SLC38A6: variants seen among roughly 807,000 people sequenced by gnomAD.
The protein encoded by SLC38A6 is N system amino acid transporter NAT-1.
SLC38A6 carries 73 observed loss-of-function variants against 65.0 expected under a neutral mutation model. The ratio of observed to expected loss-of-function variants is 1.12; its 90% CI spans 0.93 to 1.37. The LOEUF is 1.37. Among genes scored for constraint, SLC38A6 ranks in the 40% most tolerant of loss-of-function variants. SLC38A6 has a pLI of 0.00. For synonymous variants in SLC38A6, 183 were observed against 178.8 expected (o/e 1.02, Z -0.19); for missense variants, 561 against 531.1 (o/e 1.06, Z -0.55).
intron 13 of SLC38A6, 58 bp from the exon 14 acceptor site, chr14:61,051,729 C>A (rs1218934645): frequency 3.2e-6 from 5 of 1,585,286 alleles, no homozygotes; most frequent in African/African-American, 1.4e-5. Context: ...TTTCTCTCAG[C>A]AAATATCTGG....
intron 15 of SLC38A6, among the ~76,000 whole-genome samples, chr14:61,067,860 C>T (rs1460516078): frequency 6.6e-6 from 1 of 152,116 alleles, no homozygotes; most frequent in African/African-American, 2.4e-5. Flanking sequence ...TCTAGTGCAT[C>T]AGTCACCATT....
intron 16 of SLC38A6, among the ~76,000 whole-genome samples, chr14:61,080,404 A>G (rs930712908): frequency 2.6e-5 from 4 of 152,182 alleles, no homozygotes; most frequent in African/African-American, 9.6e-5. Flanking sequence ...GGTGAAAGTC[A>G]TAGCACCTGA....
At chr14:61,039,131 TATG>T (rs1429354644) in intron 8 of SLC38A6, among the ~76,000 whole-genome samples, 3 of 152,218 alleles carry the variant, frequency 2.0e-5, no homozygotes, top group East Asian at 1.9e-4. Context: ...AATGTATTGA[TATG>T]ATATGTCTAC....
At chr14:61,021,216 A>C (rs1014468108) in intron 5 of SLC38A6, among the ~76,000 whole-genome samples, 30 of 152,184 alleles carry the variant, frequency 2.0e-4, no homozygotes, top group African/African-American at 7.0e-4. Context: ...AGCAGAATAG[A>C]GCTGAAATGA....
chr14:61,002,758 G>A (rs570071523), intron 3 of SLC38A6, among the ~76,000 whole-genome samples: 8 of 152,180 alleles, frequency 5.3e-5, no homozygotes, highest in South Asian at 4.1e-4. Context: ...CTCACAAAAC[G>A]TAGCATTGAT....
At chr14:61,064,400 A>G (rs1462559755) in intron 15 of SLC38A6, among the ~76,000 whole-genome samples, 3 of 152,116 alleles carry the variant, frequency 2.0e-5, no homozygotes, top group Non-Finnish European at 4.4e-5. Context: ...GCAATTGTTA[A>G]GTGTGATGAC....
chr14:61,018,871 A>T (rs2040178399), intron 4 of SLC38A6, among the ~76,000 whole-genome samples: 2 of 152,176 alleles, frequency 1.3e-5, no homozygotes, highest in Non-Finnish European at 2.9e-5. Context: ...GCTACATTGG[A>T]TCCACATTCT....
chr14:61,045,406 A>G lies in SLC38A6; in HGVS notation c.805A>G (p.Ile269Val). 2 of 1,612,640 alleles carry G rather than the reference A, an allele frequency of 1.2e-6. No homozygotes were observed. The highest frequency in any genetic ancestry group is 1.3e-5 in the African/African-American group (1 of 74,988). The change falls in exon 11 of 16, where the codon ATA becomes GTA. Residue 269 changes from isoleucine (I) to valine (V), a missense_variant. Coordinates refer to ENST00000267488, the MANE Select transcript of SLC38A6 (RefSeq NM_153811.3). Reference sequence around the variant, plus strand: ...TCTCTGCCATACCTCAATATTGCCCATATACTGTGAACTTCAAAGGTACTG... The same window carrying G: ...TCTCTGCCATACCTCAATATTGCCCGTATACTGTGAACTTCAAAGGTACTG... ...SFLCHTSILP[I>V]YCELQSPSKK...
In SLC38A6 at chr14:61,017,586, C is replaced by T. The variant is rs763063084; in HGVS notation, c.363+1630C>T. ...AAATATTTTTTGTATGAGAAAATTC[C>T]ACAATTAATATAACATAACCTATAA... On this transcript the variant is annotated intron_variant, in intron 4 of 15. Coordinates refer to ENST00000267488, the MANE Select transcript of SLC38A6 (RefSeq NM_153811.3). Among the ~76,000 whole-genome samples the T allele has an allele frequency of 9.1e-4, 138 of 152,240 alleles. 2 individuals are homozygous for T. Among genetic ancestry groups the T allele is most frequent in the Middle Eastern group, 3.4e-3 (1 of 294 alleles).
intron 15 of SLC38A6, among the ~76,000 whole-genome samples, chr14:61,061,538 G>C (rs1363072569): frequency 6.6e-6 from 1 of 152,090 alleles, no homozygotes; most frequent in Non-Finnish European, 1.5e-5. Context: ...CATTTCCACT[G>C]ATCATTTTAC....
downstream of SLC38A6, among the ~76,000 whole-genome samples, chr14:61,053,192 G>A (rs1366066065): frequency 6.6e-6 from 1 of 151,960 alleles, no homozygotes; most frequent in East Asian, 1.9e-4. Context: ...CCATGTTCCT[G>A]CAAAAGACAT....
intron 5 of SLC38A6, among the ~76,000 whole-genome samples, chr14:61,026,658 G>A (rs149732936): frequency 1.3e-5 from 2 of 151,714 alleles, no homozygotes; most frequent in East Asian, 3.9e-4. Flanking sequence ...TTGTTTTGTT[G>A]GTTTACTTTT....
chr14:60,985,017 T>A (rs975390484), intron 3 of SLC38A6, among the ~76,000 whole-genome samples: 5 of 152,188 alleles, frequency 3.3e-5, no homozygotes, highest in African/African-American at 1.2e-4. Context: ...ATTAGCATTT[T>A]TACCTGCTTT....
At chr14:61,040,835 C>T (rs1268943847) in intron 8 of SLC38A6, among the ~76,000 whole-genome samples, 3 of 152,146 alleles carry the variant, frequency 2.0e-5, no homozygotes, top group Admixed American at 6.5e-5. Context: ...TTCTACTGAA[C>T]ACTATGTTAG....
intron 16 of SLC38A6, among the ~76,000 whole-genome samples, chr14:61,081,042 C>T (rs959682667): frequency 1.3e-5 from 2 of 152,170 alleles, no homozygotes; most frequent in African/African-American, 4.8e-5. Context: ...ATCCCAGGCA[C>T]TAGATTTATA....
At chr14:61,007,896 T>TA (rs1386815351) in intron 3 of SLC38A6, among the ~76,000 whole-genome samples, 2 of 152,162 alleles carry the variant, frequency 1.3e-5, no homozygotes, top group African/African-American at 4.8e-5. Context: ...TTAAGAATAT[T>TA]AAAGATTTGT....
intron 5 of SLC38A6, among the ~76,000 whole-genome samples, chr14:61,025,585 G>A (rs1407475967): frequency 6.6e-6 from 1 of 151,908 alleles, no homozygotes; most frequent in African/African-American, 2.4e-5. Context: ...TCTTTTTTAA[G>A]GTTTTGAAAA....
At chr14:61,053,673 A>C (rs1326715762), downstream of SLC38A6, among the ~76,000 whole-genome samples, 1 of 152,078 alleles carries the variant, frequency 6.6e-6, no homozygotes, top group African/African-American at 2.4e-5. Context: ...TGTTGGCAGC[A>C]TGTATGTATG....
At chr14:61,036,790 CTAT>C (rs2041406781) in intron 6 of SLC38A6, among the ~76,000 whole-genome samples, 1 of 151,986 alleles carries the variant, frequency 6.6e-6, no homozygotes, top group African/African-American at 2.4e-5. Flanking sequence ...CTAATGTTGA[CTAT>C]TATCTTATTT....
Sources: gnomAD v4.1 joint callset for allele counts (sites outside exome capture counted in the v4.1 genomes callset) on GRCh38, gnomAD v4.1.1 for gene constraint, MANE v1.5 for transcripts, NCBI Gene and HGNC (gene_info 2026-07-23, HGNC 2026-07-21) for gene names.